Variants in KPNA3 observed in about 807,000 individuals in gnomAD.
KPNA3 encodes importin subunit alpha-4.
KPNA3 carries 13 observed loss-of-function variants against 73.8 expected under a neutral mutation model. That is an observed-to-expected ratio of 0.18 (90% CI 0.11 to 0.28). KPNA3 has a LOEUF of 0.28. Ranked by LOEUF, KPNA3 falls within the 10% of genes least tolerant of loss-of-function variation. KPNA3 has a pLI of 1.00. For synonymous variants in KPNA3, 186 were observed against 206.9 expected (o/e 0.90, Z 0.87); for missense variants, 360 against 618.1 (o/e 0.58, Z 4.43).
intron 2 of KPNA3, among the ~76,000 whole-genome samples, chr13:49,742,734 C>T (rs559017855): frequency 2.6e-5 from 4 of 152,104 alleles, no homozygotes; most frequent in African/African-American, 4.8e-5. Flanking sequence ...CTTCCAAATC[C>T]GTGAACATGG....
chr13:49,704,470 TAAATAAATAAATAGAA>T (rs1455202652), intron 15 of KPNA3, among the ~76,000 whole-genome samples: 10 of 94,576 alleles, frequency 1.1e-4, no homozygotes, highest in East Asian at 2.8e-3. Context: ...AATAAATAAA[TAAATAAATAAATAGAA>T]AGAAAGAAAT....
chr13:49,734,765 T>G (rs1026547134), intron 2 of KPNA3, among the ~76,000 whole-genome samples: 1 of 152,176 alleles, frequency 6.6e-6, no homozygotes, highest in Non-Finnish European at 1.5e-5. Context: ...TTTACATGTG[T>G]CTATTAGTTA....
chr13:49,712,086 G>A (rs1954265174), intron 10 of KPNA3, among the ~76,000 whole-genome samples: 1 of 152,164 alleles, frequency 6.6e-6, no homozygotes, highest in African/African-American at 2.4e-5. Context: ...CCTCCCTGCT[G>A]GAGGTGTCTG....
chr13:49,721,680 C>T (rs897681507), intron 9 of KPNA3, among the ~76,000 whole-genome samples: 2 of 151,648 alleles, frequency 1.3e-5, no homozygotes, highest in African/African-American at 4.8e-5. Flanking sequence ...ATTAGCCAGG[C>T]GTGGTGGCGG....
intron 2 of KPNA3, among the ~76,000 whole-genome samples, chr13:49,741,359 TTTTAA>T (rs1954572121): frequency 6.6e-6 from 1 of 152,190 alleles, no homozygotes; most frequent in Non-Finnish European, 1.5e-5. Flanking sequence ...CTCACAGTAG[TTTTAA>T]TTTTATTTCT....
At chr13:49,790,732 G>A (rs1462398689) in intron 1 of KPNA3, among the ~76,000 whole-genome samples, 1 of 152,142 alleles carries the variant, frequency 6.6e-6, no homozygotes, top group Non-Finnish European at 1.5e-5. Context: ...TATTTGTTGT[G>A]TACCTATTAT....
chr13:49,712,946 A>G (rs1954273075), intron 10 of KPNA3, among the ~76,000 whole-genome samples: 1 of 151,704 alleles, frequency 6.6e-6, no homozygotes, highest in African/African-American at 2.4e-5. Flanking sequence ...CTATCAACCT[A>G]TGTGAATGGG....
At chr13:49,723,801 C>T (rs1246781173) in intron 7 of KPNA3, among the ~76,000 whole-genome samples, 4 of 147,958 alleles carry the variant, frequency 2.7e-5, no homozygotes, top group Non-Finnish European at 3.0e-5. Flanking sequence ...ACCCAGGAGA[C>T]GGAAGTTGCA....
chr13:49,704,461 AT>A (rs1356560580), intron 15 of KPNA3, among the ~76,000 whole-genome samples: 3 of 147,730 alleles, frequency 2.0e-5, no homozygotes, highest in East Asian at 1.9e-4. Context: ...AAATAAATAA[AT>A]AAATAAATAA....
At chr13:49,780,302 A>C (rs1392405974) in intron 1 of KPNA3, among the ~76,000 whole-genome samples, 1 of 152,156 alleles carries the variant, frequency 6.6e-6, no homozygotes, top group Non-Finnish European at 1.5e-5. Flanking sequence ...ATACAAGCAG[A>C]ATGGCCCTCA....
At chr13:49,758,346 C>T (rs1207169550) in intron 1 of KPNA3, among the ~76,000 whole-genome samples, 3 of 152,028 alleles carry the variant, frequency 2.0e-5, no homozygotes, top group Admixed American at 6.6e-5. Context: ...TGAACCTAAA[C>T]GTGTATCCAT....
chr13:49,724,415 C>A (rs150033246), intron 7 of KPNA3, among the ~76,000 whole-genome samples: 4 of 151,860 alleles, frequency 2.6e-5, no homozygotes. Flanking sequence ...GCCATTCTCC[C>A]GCCTCAGCCT....
intron 9 of KPNA3, among the ~76,000 whole-genome samples, chr13:49,720,209 CACTT>C (rs1369970057): frequency 6.6e-6 from 1 of 152,198 alleles, no homozygotes; most frequent in Admixed American, 6.5e-5. Context: ...GTAATTGTCT[CACTT>C]ACCTGCTTAA....
In KPNA3 at chr13:49,791,544, T is replaced by C. The variant is rs145623267; in HGVS notation, c.69+894A>G. Among the ~76,000 whole-genome samples, 699 of 152,326 alleles carry C rather than the reference T, an allele frequency of 4.6e-3. 2 individuals are homozygous for C. The highest frequency in any genetic ancestry group is 5.5e-3 in the African/African-American group (227 of 41,570). On this transcript the variant is annotated intron_variant, in intron 1 of 16. Coordinates refer to ENST00000261667, the MANE Select transcript of KPNA3 (RefSeq NM_002267.4). The stretch of plus-strand genomic sequence containing the variant: ...GATGAATGTTTAGTTTTGCAACCAC[T>C]TGGAAATTCTACTAGCTTGGAGCAA...
chr13:49,734,938 T>G (rs2025266), intron 2 of KPNA3, among the ~76,000 whole-genome samples: 117,993 of 146,618 alleles, frequency 0.8, 48,049 homozygotes, highest in East Asian at 0.97. Context: ...TATATATATA[T>G]AGAGAGAGAG....
At chr13:49,716,490 G>C (rs914476355) in intron 10 of KPNA3, among the ~76,000 whole-genome samples, 1 of 151,962 alleles carries the variant, frequency 6.6e-6, no homozygotes, top group Non-Finnish European at 1.5e-5. Context: ...CCACGTGGGA[G>C]TGCAGTGGCG....
chr13:49,735,072 G>A (rs1209837835), intron 2 of KPNA3, among the ~76,000 whole-genome samples: 1 of 151,898 alleles, frequency 6.6e-6, no homozygotes, highest in Non-Finnish European at 1.5e-5. Flanking sequence ...CATTTAAATT[G>A]AAAACATCCT....
intron 1 of KPNA3, among the ~76,000 whole-genome samples, chr13:49,778,212 GTT>G (rs1263529103): frequency 6.6e-6 from 1 of 152,186 alleles, no homozygotes; most frequent in Non-Finnish European, 1.5e-5. Flanking sequence ...CAGTCTAAAG[GTT>G]TCTCTGTACA....
At chr13:49,773,609 T>C (rs2137596202) in intron 1 of KPNA3, among the ~76,000 whole-genome samples, 1 of 152,244 alleles carries the variant, frequency 6.6e-6, no homozygotes, top group African/African-American at 2.4e-5. Context: ...ATAAATAAAA[T>C]TTACAATAAC....
Sources: gnomAD v4.1 joint callset for allele counts (sites outside exome capture counted in the v4.1 genomes callset) on GRCh38, gnomAD v4.1.1 for gene constraint, MANE v1.5 for transcripts, NCBI Gene and HGNC (gene_info 2026-07-23, HGNC 2026-07-21) for gene names.